TCERG1L: variants seen among roughly 807,000 people sequenced by gnomAD.
TCERG1L encodes transcription elongation regulator 1-like protein.
A neutral mutation model predicts 56.3 loss-of-function variants in TCERG1L; 37 were observed. That is an observed-to-expected ratio of 0.66 (90% CI 0.51 to 0.87). TCERG1L has a LOEUF of 0.87. Ranked by LOEUF, TCERG1L falls within the 40% of genes least tolerant of loss-of-function variation. The pLI, the probability that TCERG1L is intolerant of heterozygous loss-of-function variation, is 0.00. For missense variants in TCERG1L, 799 were observed against 774.2 expected, an observed-to-expected ratio of 1.03 and a Z score of -0.38; for synonymous variants, 324 against 326.3, an observed-to-expected ratio of 0.99 and a Z score of 0.08.
In TCERG1L at chr10:131,110,117, C is replaced by T. The variant is rs554207285; in HGVS notation, c.1396-5763G>A. On this transcript the variant is annotated intron_variant, in intron 9 of 11. Coordinates refer to ENST00000368642, the MANE Select transcript of TCERG1L (RefSeq NM_174937.4). ...AAGGGAAACTGCACCTTCTTCACAG[C>T]CAAGGGAACTGGACTGTCCCTTTCA... Among the ~76,000 whole-genome samples the T allele has an allele frequency of 3.9e-5, 6 of 152,292 alleles. No homozygotes were observed. In the South Asian group the frequency reaches 1.0e-3, roughly 26 times the overall value.
chr10:131,309,175 T>A lies in TCERG1L; in HGVS notation c.467A>T (p.Asp156Val). The change falls in exon 2 of 12, where the codon GAC (aspartate) becomes GTC (valine). Residue 156 changes from aspartate (D) to valine (V), a missense_variant. By Grantham distance (152) the Asp-to-Val change is radical. Coordinates refer to ENST00000368642, the MANE Select transcript of TCERG1L (RefSeq NM_174937.4). ...LATPIGKSWI[D>V]KRIPNCKIFF... ...TACCTTACAGTTAGGAATCCTTTTG[T>A]CTATCCAACTTTTCCCAATAGGGGT... The A allele has an allele frequency of 6.2e-7, 1 of 1,609,594 alleles. No individual in the cohort carries two copies.
intron 6 of TCERG1L, among the ~76,000 whole-genome samples, chr10:131,160,114 T>A (rs1242195476): frequency 6.6e-6 from 1 of 152,164 alleles, no homozygotes; most frequent in East Asian, 1.9e-4. Flanking sequence ...CAAGCCTAGA[T>A]CTGATTCAAG....
At chr10:131,245,529 G>T (rs998496821) in intron 4 of TCERG1L, among the ~76,000 whole-genome samples, 1 of 152,152 alleles carries the variant, frequency 6.6e-6, no homozygotes, top group Non-Finnish European at 1.5e-5. Flanking sequence ...CCCAAAACGA[G>T]GGGGCGGCTC....
chr10:131,256,983 AG>A lies in TCERG1L; in HGVS notation c.856+3275del, dbSNP rs796937722. Among the ~76,000 whole-genome samples, 539 of 90,056 alleles carry A rather than the reference AG, an allele frequency of 6.0e-3. 7 individuals are homozygous for A. The highest frequency in any genetic ancestry group is 0.034 in the Middle Eastern group (8 of 234). The allele number at this position is 90,056 out of a possible 152,430, so 59.1% of individuals were successfully genotyped here. ...AAGGAAGGAAGGAAGGAAGGAAGGA[AG>A]GAAGGAAGGAAAGAAAGAAAGAAAG... On this transcript the variant is annotated intron_variant, in intron 4 of 11. Transcript: ENST00000368642.
chr10:131,163,353 G>C (rs923347824), intron 5 of TCERG1L, 143 bp from the exon 6 acceptor site: 2 of 637,510 alleles, frequency 3.1e-6, no homozygotes, highest in Non-Finnish European at 5.1e-6. Flanking sequence ...GCACGGCAGC[G>C]CCTGGCTGGG....
intron 4 of TCERG1L, among the ~76,000 whole-genome samples, chr10:131,186,257 G>A (rs1318297725): frequency 2.6e-5 from 4 of 152,170 alleles, no homozygotes; most frequent in Non-Finnish European, 5.9e-5. Context: ...TTTTCAGAGT[G>A]AGGAACATGT....
At position 131,260,071 on chromosome 10, in the gene TCERG1L, G is replaced by A. The variant is rs1019830031; in HGVS notation, c.856+188C>T. Reference sequence around the variant, plus strand: ...GGTGGACCTGACAAGGTGGCTCAGTGGAGTCGGGTCGATTTGCAGGGTCCG... The same window carrying A: ...GGTGGACCTGACAAGGTGGCTCAGTAGAGTCGGGTCGATTTGCAGGGTCCG... On this transcript the variant is annotated intron_variant, in intron 4 of 11. Coordinates refer to ENST00000368642, the MANE Select transcript of TCERG1L (RefSeq NM_174937.4). This position sits in a 1 kb window ranked among gnomAD's most constrained non-coding sequence, Gnocchi z 5.8. Among the ~76,000 whole-genome samples, 32 of 152,256 alleles carry A rather than the reference G, an allele frequency of 2.1e-4. No individual in the cohort carries two copies. Among genetic ancestry groups the A allele is most frequent in the African/African-American group, 7.5e-4 (31 of 41,474 alleles).
intron 10 of TCERG1L, among the ~76,000 whole-genome samples, chr10:131,099,871 T>A (rs1845288137): frequency 6.6e-6 from 1 of 152,184 alleles, no homozygotes; most frequent in Non-Finnish European, 1.5e-5. Flanking sequence ...TTCTTTTCTT[T>A]CTTTTTTTTT....
chr10:131,198,861 C>G (rs1845395726), intron 4 of TCERG1L, among the ~76,000 whole-genome samples: 1 of 151,534 alleles, frequency 6.6e-6, no homozygotes, highest in Non-Finnish European at 1.5e-5. Context: ...AGCTCATGCA[C>G]CCCGTGCACC....
chr10:131,248,835 G>GC lies in TCERG1L; in HGVS notation c.856+11423dup, dbSNP rs543975515. ...AGAGGCTCCTTCTGCTCCCATCACAGCCCCCCCAACCGGTGCTCGCATCCA... is the reference window on the plus strand; with the variant it reads ...AGAGGCTCCTTCTGCTCCCATCACAGCCCCCCCCAACCGGTGCTCGCATCCA... On this transcript the variant is annotated intron_variant, in intron 4 of 11. Transcript: ENST00000368642. Among the ~76,000 whole-genome samples the GC allele has an allele frequency of 4.6e-3, 703 of 152,234 alleles. 4 individuals are homozygous for GC. The highest frequency in any genetic ancestry group is 6.7e-3 in the Non-Finnish European group (453 of 68,004).
intron 4 of TCERG1L, among the ~76,000 whole-genome samples, chr10:131,193,835 T>A (rs540925992): frequency 6.6e-6 from 1 of 152,372 alleles, no homozygotes; most frequent in African/African-American, 2.4e-5. Context: ...CTTCTTTGAT[T>A]CCATGTGAAT....
intron 9 of TCERG1L, among the ~76,000 whole-genome samples, chr10:131,109,465 GCTGTGTCTGTGT>G (rs578046036): frequency 1.2e-4 from 18 of 152,076 alleles, no homozygotes; most frequent in South Asian, 2.1e-4. Flanking sequence ...TGTGACTGTG[GCTGTGTCTGTGT>G]CTGTGTCTGT....
rs147894977 is a variant in TCERG1L, at chr10:131,193,566, T to C, written c.857-26681A>G. On this transcript the variant is annotated intron_variant, in intron 4 of 11. Coordinates refer to ENST00000368642, the MANE Select transcript of TCERG1L (RefSeq NM_174937.4). ...CCAGTTTCACTTGTCTGCTCATGGC[T>C]AGCCAATGTTCCCAGCACCATTTAT... is the stretch of plus-strand genomic sequence containing the variant. Among the ~76,000 whole-genome samples the C allele has an allele frequency of 2.8e-3, 424 of 152,346 alleles. 2 individuals are homozygous for C. Among genetic ancestry groups the C allele is most frequent in the African/African-American group, 9.6e-3 (401 of 41,578 alleles).
chr10:131,308,180 C>T (rs1404238687), intron 3 of TCERG1L, 31 bp downstream of exon 3: 1 of 1,556,448 alleles, frequency 6.4e-7, no homozygotes, highest in Non-Finnish European at 8.7e-7. Context: ...AAAAATGAAA[C>T]AGACATTGTC....
Position 131,291,401 on chromosome 10 carries a change from C to CTTTTTTTTTTT in TCERG1L, c.670+16799_670+16809dup, listed in dbSNP as rs71009957. 2.7e-3 allele frequency among the ~76,000 whole-genome samples: 100 copies of CTTTTTTTTTTT among 36,594 alleles called. 34 individuals carry two copies. Among genetic ancestry groups the CTTTTTTTTTTT allele is most frequent in the African/African-American group, 4.3e-3 (43 of 10,020 alleles). The allele number at this position is 36,594 out of a possible 152,430, so 24.0% of individuals were successfully genotyped here. On this transcript the variant is annotated intron_variant, in intron 3 of 11. Coordinates refer to ENST00000368642, the MANE Select transcript of TCERG1L (RefSeq NM_174937.4). ...TGTGTATATTCCATAAACAGCATTT[C>CTTTTTTTTTTT]TTTTTTTTTTTTTTTTTTTTTTTTT... is the stretch of plus-strand genomic sequence containing the variant.
chr10:131,151,890 C>G (rs767873461), intron 6 of TCERG1L, among the ~76,000 whole-genome samples: 1 of 152,210 alleles, frequency 6.6e-6, no homozygotes, highest in African/African-American at 2.4e-5. Context: ...AGGCTCAACA[C>G]GTGAAAGCCA....
chr10:131,120,175 T>TTG (rs1845499292), intron 8 of TCERG1L, among the ~76,000 whole-genome samples: 1 of 152,022 alleles, frequency 6.6e-6, no homozygotes, highest in South Asian at 2.1e-4. Context: ...GTGTGTGAGC[T>TTG]TGTGTGTGTG....
At chr10:131,289,408 C>T (rs1846583403) in intron 3 of TCERG1L, among the ~76,000 whole-genome samples, 1 of 152,212 alleles carries the variant, frequency 6.6e-6, no homozygotes, top group African/African-American at 2.4e-5. Flanking sequence ...GCCCACTTAT[C>T]CCAGCATCCA....
At chr10:131,205,123 C>T (rs1845503484) in intron 4 of TCERG1L, among the ~76,000 whole-genome samples, 1 of 152,172 alleles carries the variant, frequency 6.6e-6, no homozygotes, top group African/African-American at 2.4e-5. Context: ...TTCATTACAC[C>T]TGGCTTTACT....
Sources: gnomAD v4.1 joint callset for allele counts (sites outside exome capture counted in the v4.1 genomes callset) on GRCh38, gnomAD v4.1.1 for gene constraint, Gnocchi (gnomAD v3.1) non-coding constraint, MANE v1.5 for transcripts, NCBI Gene and HGNC (gene_info 2026-07-23, HGNC 2026-07-21) for gene names.